NELL1: variants seen among roughly 807,000 people sequenced by gnomAD.
NELL1 encodes the protein protein kinase C-binding protein NELL1.
In NELL1, 76 loss-of-function variants were observed where a neutral mutation model predicts 107.4. The ratio of observed to expected loss-of-function variants is 0.71; its 90% CI spans 0.59 to 0.86. The LOEUF (loss-of-function observed/expected upper bound fraction) is 0.86, where lower values mean the gene tolerates loss of function less well. NELL1 is among the 40% of genes least tolerant of loss of function. The pLI, the probability that NELL1 is intolerant of heterozygous loss-of-function variation, is 0.00. For synonymous variants in NELL1, 353 were observed against 341.2 expected (o/e 1.03, Z -0.38); for missense variants, 1,024 against 1,005.5 (o/e 1.02, Z -0.25).
chr11:21,334,653 G>A lies in NELL1; in HGVS notation c.1550-36200G>A, dbSNP rs535442338. ...ATATGTATGGAATACATACCCTCACGCCTACAATTTTCTGGTATCTTAATT... is the reference window on the plus strand; with the variant it reads ...ATATGTATGGAATACATACCCTCACACCTACAATTTTCTGGTATCTTAATT... On this transcript the variant is annotated intron_variant, in intron 14 of 19. Coordinates refer to ENST00000357134, the MANE Select transcript of NELL1 (RefSeq NM_006157.5). Among the ~76,000 whole-genome samples the A allele has an allele frequency of 7.9e-5, 12 of 151,776 alleles. No individual in the cohort carries two copies. In the South Asian group the frequency reaches 1.5e-3, roughly 18 times the overall value.
At chr11:21,040,575 G>A (rs956701600) in intron 12 of NELL1, among the ~76,000 whole-genome samples, 2 of 152,070 alleles carry the variant, frequency 1.3e-5, no homozygotes, top group African/African-American at 2.4e-5. Context: ...AGAAGGAGCT[G>A]GTTTACTCTT....
In NELL1 at chr11:20,702,754, T is replaced by A. The variant is rs887106097; in HGVS notation, c.184+24694T>A. ...AATTTTGACAAAGGCCTTTTCTGCA[T>A]CTATTGAGAAATCATGTAGTTTTTG... is the stretch of plus-strand genomic sequence containing the variant. On this transcript the variant is annotated intron_variant, in intron 2 of 19. Transcript: ENST00000357134. 3.9e-5 allele frequency among the ~76,000 whole-genome samples: 6 copies of A among 152,232 alleles called. No individual in the cohort carries two copies. In the East Asian group the frequency reaches 1.2e-3, roughly 29 times the overall value.
rs76561809 is a variant in NELL1, at chr11:21,131,664, T to C, written c.1426+17950T>C. Among the ~76,000 whole-genome samples, 203 of 152,294 alleles carry C rather than the reference T, an allele frequency of 1.3e-3. 2 individuals are homozygous for C. The East Asian group carries it at 0.025, about 19-fold the overall frequency. On this transcript the variant is annotated intron_variant, in intron 13 of 19. Transcript: ENST00000357134. ...TGGGGGAGGGAGGCTTAAATATACA[T>C]CTATAATCATTTGGAGCATTGCAAT... is the stretch of plus-strand genomic sequence containing the variant.
chr11:20,817,386 A>T lies in NELL1; in HGVS notation c.336-30197A>T, dbSNP rs186017927. ...CCTGGGAAGTTGTGTGTATCCAGGA[A>T]TTTATCCATTTCCTCTAGATTTTCG... On this transcript the variant is annotated intron_variant, in intron 3 of 19. Transcript: ENST00000357134. Among the ~76,000 whole-genome samples, 395 of 152,230 alleles carry T rather than the reference A, an allele frequency of 2.6e-3. 1 individual carries two copies. Among genetic ancestry groups the T allele is most frequent in the African/African-American group, 9.2e-3 (383 of 41,542 alleles).
intron 13 of NELL1, among the ~76,000 whole-genome samples, chr11:21,181,812 T>G (rs1253468035): frequency 1.3e-5 from 2 of 151,858 alleles, no homozygotes; most frequent in Non-Finnish European, 2.9e-5. Context: ...AACACCTTAA[T>G]TGTCATTATT....
chr11:21,035,294 T>A (rs966184030), intron 12 of NELL1, among the ~76,000 whole-genome samples: 1 of 151,974 alleles, frequency 6.6e-6, no homozygotes. Context: ...TTCTACCAGA[T>A]GTACAAAGAA....
At chr11:21,542,991 CA>C (rs1856330655) in intron 16 of NELL1, among the ~76,000 whole-genome samples, 1 of 151,934 alleles carries the variant, frequency 6.6e-6, no homozygotes, top group Non-Finnish European at 1.5e-5. Flanking sequence ...AGTAAAGTCT[CA>C]AGTGTGCTGT....
chr11:20,799,004 C>T (rs769994863), intron 3 of NELL1, among the ~76,000 whole-genome samples: 11 of 40,678 alleles, frequency 2.7e-4, no homozygotes, highest in Non-Finnish European at 9.9e-4. Context: ...TAATGATAAA[C>T]GTCATGGAAG....
intron 4 of NELL1, among the ~76,000 whole-genome samples, chr11:20,864,786 G>T (rs1849063365): frequency 6.6e-6 from 1 of 152,208 alleles, no homozygotes; most frequent in Non-Finnish European, 1.5e-5. Flanking sequence ...TTTATCTCCT[G>T]ATCCTGTCAG....
At chr11:21,383,142 T>G (rs968206398) in intron 15 of NELL1, among the ~76,000 whole-genome samples, 1 of 152,004 alleles carries the variant, frequency 6.6e-6, no homozygotes, top group African/African-American at 2.4e-5. Flanking sequence ...CTAGTAGGAC[T>G]GACTGAATGA....
At chr11:21,458,168 G>T (rs776205485) in intron 15 of NELL1, among the ~76,000 whole-genome samples, 7 of 152,142 alleles carry the variant, frequency 4.6e-5, no homozygotes. Flanking sequence ...TAGCCTCCTT[G>T]TAAGAACCAG....
In NELL1 at chr11:20,751,305, A is replaced by G. The variant is rs954737151; in HGVS notation, c.185-32375A>G. On this transcript the variant is annotated intron_variant, in intron 2 of 19. Coordinates refer to ENST00000357134, the MANE Select transcript of NELL1 (RefSeq NM_006157.5). ...TTGGATTGCATTAAATCTATGCATC[A>G]ATTTTGGATAATGCACATCTTAAAA... Among the ~76,000 whole-genome samples, 7 of 152,174 alleles carry G rather than the reference A, an allele frequency of 4.6e-5. No individual in the cohort carries two copies. In the South Asian group the frequency reaches 1.4e-3, roughly 31 times the overall value.
chr11:20,904,666 C>T (rs1849954241), intron 5 of NELL1, among the ~76,000 whole-genome samples: 1 of 152,030 alleles, frequency 6.6e-6, no homozygotes, highest in Non-Finnish European at 1.5e-5. Flanking sequence ...TCATCTTTGG[C>T]TGATCCCTAG....
intron 17 of NELL1, among the ~76,000 whole-genome samples, chr11:21,566,577 C>A (rs1201335549): frequency 6.6e-6 from 1 of 151,860 alleles, no homozygotes; most frequent in Admixed American, 6.6e-5. Context: ...ATCAAAACAG[C>A]TTCTGTGGCA....
At chr11:21,336,465 A>G (rs1850397845) in intron 14 of NELL1, among the ~76,000 whole-genome samples, 1 of 151,894 alleles carries the variant, frequency 6.6e-6, no homozygotes, top group Admixed American at 6.6e-5. Flanking sequence ...GGTTGTTTCC[A>G]CTTTGCTTTC....
At chr11:21,511,926 T>C (rs1168448655) in intron 15 of NELL1, among the ~76,000 whole-genome samples, 1 of 152,182 alleles carries the variant, frequency 6.6e-6, no homozygotes, top group Non-Finnish European at 1.5e-5. Context: ...TACTGTATTG[T>C]GTAAGATGCA....
rs1339132013 is a variant in NELL1 at position 21,370,948 on chromosome 11, G to A, written c.1645G>A (p.Asp549Asn). The A allele has an allele frequency of 6.2e-7, 1 of 1,608,112 alleles. No homozygotes were observed. Among genetic ancestry groups the A allele is most frequent in the South Asian group, 1.1e-5 (1 of 90,050 alleles). ...ATTCACAGGAAGCCACTGCGAGAAA[G>A]GTAATCTAGCTTGTTTTATGGGGGA... ...SGFTGSHCEKDIDECSEGIIE... is the reference protein window; with the variant it reads ...SGFTGSHCEKNIDECSEGIIE... Residue 549 changes from aspartate to asparagine, a missense_variant and splice_region_variant, in exon 15 of 20, where the codon GAT becomes AAT. Coordinates refer to ENST00000357134, the MANE Select transcript of NELL1 (RefSeq NM_006157.5).
chr11:20,830,221 A>C (rs11025774), intron 3 of NELL1, among the ~76,000 whole-genome samples: 1 of 150,754 alleles, frequency 6.6e-6, no homozygotes, highest in Non-Finnish European at 1.5e-5. Flanking sequence ...GTAGTGAGCC[A>C]AGACCCAGAC....
At position 21,321,759 on chromosome 11, in the gene NELL1, T is replaced by C. The variant is rs562294330; in HGVS notation, c.1550-49094T>C. 3.0e-4 allele frequency among the ~76,000 whole-genome samples: 45 copies of C among 152,334 alleles called. 1 individual carries two copies. The highest frequency in any genetic ancestry group is 1.0e-3 in the African/African-American group (43 of 41,590). On this transcript the variant is annotated intron_variant, in intron 14 of 19. Transcript: ENST00000357134. ...AGAACCAGGACTCCTTTTCTTTATC[T>C]TCTTTCTTTGAACAAACATGCATCA...
Sources: allele counts gnomAD v4.1 joint callset (sites outside exome capture counted in the v4.1 genomes callset), GRCh38; gene constraint gnomAD v4.1.1; transcripts MANE v1.5; gene names NCBI Gene and HGNC (gene_info 2026-07-23, HGNC 2026-07-21).